Variants in IPO11 observed in about 807,000 individuals in gnomAD.
IPO11 encodes importin 11.
Under a neutral mutation model 143.2 loss-of-function variants are expected in IPO11, and 66 were observed. The ratio of observed to expected loss-of-function variants is 0.46; its 90% CI spans 0.38 to 0.57. IPO11 has a LOEUF of 0.57. IPO11 is among the 20% of genes least tolerant of loss of function. The probability of loss-of-function intolerance (pLI) is 0.00; values close to 1 mark genes in which losing one functional copy is unlikely to be tolerated. For missense variants in IPO11, 1,026 were observed against 1,141.0 expected (o/e 0.90, Z 1.45); for synonymous variants, 385 against 377.8 (o/e 1.02, Z -0.22).
intron 14 of IPO11, among the ~76,000 whole-genome samples, chr5:62,489,882 T>C (rs1580239911): frequency 2.0e-5 from 3 of 152,332 alleles, no homozygotes; most frequent in East Asian, 3.9e-4. Flanking sequence ...GACTTAAATA[T>C]TTTAGAATGA....
intron 1 of IPO11, among the ~76,000 whole-genome samples, chr5:62,432,074 C>T (rs764304791): frequency 2.6e-5 from 4 of 152,082 alleles, no homozygotes; most frequent in Non-Finnish European, 5.9e-5. Flanking sequence ...TGAAATGGTT[C>T]CTTTGAGGCT....
intron 29 of IPO11, among the ~76,000 whole-genome samples, chr5:62,624,401 A>G (rs576500523): frequency 6.6e-6 from 1 of 152,204 alleles, no homozygotes; most frequent in South Asian, 2.1e-4. Flanking sequence ...CCCTACAAAT[A>G]CCACCATGGC....
intron 28 of IPO11, among the ~76,000 whole-genome samples, chr5:62,596,274 A>AAAAAAAAAGAAAG (rs1246212550): frequency 2.4e-4 from 36 of 150,906 alleles, no homozygotes; most frequent in African/African-American, 8.6e-4. Context: ...GTCTCAAAAA[A>AAAAAAAAAGAAAG]AAAAAAAAAG....
rs559344799 is a variant in IPO11 at position 62,525,001 on chromosome 5, A to G, written c.1897-1141A>G. On this transcript the variant is annotated intron_variant, in intron 20 of 29. Transcript: ENST00000325324. ...AAATACCTACTGTGTAATACATTGA[A>G]TCAACCTCCCTAACAGTAATTCAGC... Among the ~76,000 whole-genome samples the G allele has an allele frequency of 5.3e-3, 804 of 152,316 alleles. 2 individuals carry two copies. Among genetic ancestry groups the G allele is most frequent in the Non-Finnish European group, 8.8e-3 (596 of 68,022 alleles).
chr5:62,461,061 G>T (rs980059118), intron 5 of IPO11, among the ~76,000 whole-genome samples: 2 of 152,106 alleles, frequency 1.3e-5, no homozygotes, highest in Non-Finnish European at 2.9e-5. Flanking sequence ...GGGCTGAAAG[G>T]TGTTAAAGAA....
chr5:62,524,552 T>A (rs1742307254), intron 20 of IPO11, among the ~76,000 whole-genome samples: 1 of 152,034 alleles, frequency 6.6e-6, no homozygotes, highest in Admixed American at 6.6e-5. Context: ...TTGAAGTGAG[T>A]TTTAAGGCCC....
intron 27 of IPO11, among the ~76,000 whole-genome samples, chr5:62,583,947 G>C (rs1744660198): frequency 1.3e-5 from 2 of 152,026 alleles, no homozygotes; most frequent in African/African-American, 4.8e-5. Context: ...CCCAAAAATA[G>C]GCTCTAATTT....
intron 28 of IPO11, among the ~76,000 whole-genome samples, chr5:62,595,705 G>A (rs1745188624): frequency 6.6e-6 from 1 of 152,130 alleles, no homozygotes; most frequent in Non-Finnish European, 1.5e-5. Context: ...CATTTTGAGA[G>A]TTGAAGAATG....
intron 28 of IPO11, among the ~76,000 whole-genome samples, chr5:62,592,552 T>C (rs1401067816): frequency 6.6e-6 from 1 of 152,276 alleles, no homozygotes; most frequent in Non-Finnish European, 1.5e-5. Context: ...TTTAAGTTAA[T>C]GTAAGGGTTT....
chr5:62,476,598 C>A, intron 8 of IPO11, 85 bp from the exon 9 acceptor site: 1 of 1,342,382 alleles, frequency 7.4e-7, no homozygotes, highest in Non-Finnish European at 1.0e-6. Flanking sequence ...AAAATAAAAC[C>A]AGCAATATTA....
intron 9 of IPO11, among the ~76,000 whole-genome samples, chr5:62,477,824 TG>T (rs1256832569): frequency 6.6e-6 from 1 of 152,248 alleles, no homozygotes; most frequent in African/African-American, 2.4e-5. Context: ...GGTAATGACA[TG>T]GATAGATGGT....
chr5:62,470,974 T>A lies in IPO11; in HGVS notation c.708+666T>A, dbSNP rs560498654. On this transcript the variant is annotated intron_variant, in intron 7 of 29. Coordinates refer to ENST00000325324, the MANE Select transcript of IPO11 (RefSeq NM_016338.5). ...TCCCAAGTCACTGGGATTACAGGCA[T>A]GCACCACCATGCCCAGCTAATTTTT... 4.6e-5 allele frequency among the ~76,000 whole-genome samples: 7 copies of A among 151,628 alleles called. No homozygotes were observed. The South Asian group carries it at 1.5e-3, about 32-fold the overall frequency.
chr5:62,461,353 G>T (rs796103470), intron 5 of IPO11, among the ~76,000 whole-genome samples: 5 of 152,296 alleles, frequency 3.3e-5, no homozygotes, highest in African/African-American at 1.2e-4. Flanking sequence ...ATGAGATATT[G>T]ATGATATCAA....
chr5:62,545,046 C>T (rs1406768975), intron 24 of IPO11, among the ~76,000 whole-genome samples: 1 of 152,088 alleles, frequency 6.6e-6, no homozygotes, highest in African/African-American at 2.4e-5. Context: ...AGATTCAGTG[C>T]CATCCCCATC....
chr5:62,557,244 C>T (rs1447761190), intron 26 of IPO11, among the ~76,000 whole-genome samples: 7 of 151,996 alleles, frequency 4.6e-5, no homozygotes, highest in Middle Eastern at 3.4e-3. Context: ...AGTGCAATGG[C>T]GCGATCTCAG....
intron 24 of IPO11, among the ~76,000 whole-genome samples, chr5:62,550,032 G>A (rs1162088734): frequency 1.3e-5 from 2 of 152,090 alleles, no homozygotes; most frequent in Non-Finnish European, 2.9e-5. Context: ...GCCTCTATTA[G>A]TGCATCATTT....
chr5:62,606,672 TAAAAATACA>T (rs933432205), intron 29 of IPO11, among the ~76,000 whole-genome samples: 5 of 152,002 alleles, frequency 3.3e-5, no homozygotes, highest in Non-Finnish European at 7.4e-5. Context: ...CCATCTCTAC[TAAAAATACA>T]AAAAAATTAG....
At chr5:62,624,808 C>T (rs1196630469) in intron 29 of IPO11, among the ~76,000 whole-genome samples, 2 of 151,866 alleles carry the variant, frequency 1.3e-5, no homozygotes, top group African/African-American at 4.8e-5. Context: ...CAGGGTGAAA[C>T]CCCGTCTCTA....
intron 28 of IPO11, among the ~76,000 whole-genome samples, chr5:62,599,935 C>A (rs995626825): frequency 6.6e-6 from 1 of 152,038 alleles, no homozygotes; most frequent in Non-Finnish European, 1.5e-5. Context: ...TAGCTTTGGG[C>A]TTTTCAGTAT....
Sources: gnomAD v4.1 joint callset for allele counts (sites outside exome capture counted in the v4.1 genomes callset) on GRCh38, gnomAD v4.1.1 for gene constraint, MANE v1.5 for transcripts, NCBI Gene and HGNC (gene_info 2026-07-23, HGNC 2026-07-21) for gene names.